FOXP1: variants seen among roughly 807,000 people sequenced by gnomAD.
FOXP1 encodes forkhead box P1, also known as forkhead box protein P1.
In FOXP1, 15 loss-of-function variants were observed where a neutral mutation model predicts 98.2. The ratio of observed to expected loss-of-function variants is 0.15; its 90% CI spans 0.10 to 0.24. The LOEUF (loss-of-function observed/expected upper bound fraction) is 0.24. Among genes scored for constraint, FOXP1 ranks in the 10% least tolerant of loss-of-function variants. FOXP1 has a pLI of 1.00. For synonymous variants in FOXP1, 371 were observed against 314.5 expected, an observed-to-expected ratio of 1.18 and a Z score of -1.90; for missense variants, 633 against 848.5, an observed-to-expected ratio of 0.75 and a Z score of 3.15.
At chr3:71,398,597 C>T (rs549534500) in intron 3 of FOXP1, among the ~76,000 whole-genome samples, 38 of 152,284 alleles carry the variant, frequency 2.5e-4, no homozygotes, top group Non-Finnish European at 4.0e-4. Flanking sequence ...CCAAGAACCA[C>T]GGGCTGGGGG....
chr3:71,210,959 T>C (rs891602946), intron 5 of FOXP1: 4 of 152,182 alleles, frequency 2.6e-5, no homozygotes, highest in African/African-American at 9.6e-5. Context: ...TAAACATAGT[T>C]GACAATTCTA....
intron 7 of FOXP1, among the ~76,000 whole-genome samples, chr3:71,111,776 T>G (rs550688235): frequency 2.0e-5 from 3 of 152,192 alleles, no homozygotes; most frequent in Non-Finnish European, 4.4e-5. Flanking sequence ...AAATCAGAAG[T>G]TGCTAGAACA....
chr3:71,015,428 G>T, intron 12 of FOXP1, 121 bp downstream of exon 12: 1 of 673,900 alleles, frequency 1.5e-6, no homozygotes, highest in Non-Finnish European at 2.8e-6. Context: ...TTGTGATTTA[G>T]AGTCCACTCT....
intron 7 of FOXP1, among the ~76,000 whole-genome samples, chr3:71,057,314 TTTTTTTTTTTTTTC>T: frequency 7.5e-6 from 1 of 132,452 alleles, no homozygotes; most frequent in Non-Finnish European, 1.6e-5. Context: ...TTTTTTTTTT[TTTTTTTTTTTTTTC>T]AGATTTCATG....
chr3:71,494,122 A>C (rs1339430399), intron 2 of FOXP1, among the ~76,000 whole-genome samples: 1 of 152,160 alleles, frequency 6.6e-6, no homozygotes, highest in Non-Finnish European at 1.5e-5. Context: ...CCATCAAGAA[A>C]GCACATACGG....
intron 14 of FOXP1, among the ~76,000 whole-genome samples, chr3:70,986,131 A>G (rs2039691140): frequency 6.6e-6 from 1 of 152,146 alleles, no homozygotes; most frequent in African/African-American, 2.4e-5. Flanking sequence ...TTTTAATACT[A>G]ATCAAGACAA....
intron 17 of FOXP1, among the ~76,000 whole-genome samples, chr3:70,973,810 C>CT (rs1248632520): frequency 6.8e-6 from 1 of 147,240 alleles, no homozygotes; most frequent in Middle Eastern, 3.2e-3. Context: ...AGCAACACTG[C>CT]TATTGCACAA....
intron 4 of FOXP1, among the ~76,000 whole-genome samples, chr3:71,330,348 T>G (rs1486354874): frequency 6.6e-6 from 1 of 152,242 alleles, no homozygotes; most frequent in Admixed American, 6.5e-5. Flanking sequence ...TATAAAATAT[T>G]GTAAGTCACT....
intron 6 of FOXP1, among the ~76,000 whole-genome samples, chr3:71,119,845 G>C (rs1437266879): frequency 2.0e-5 from 3 of 152,196 alleles, no homozygotes; most frequent in African/African-American, 7.2e-5. Flanking sequence ...AGAACTGGAA[G>C]TATTCATACA....
intron 7 of FOXP1, among the ~76,000 whole-genome samples, chr3:71,096,471 C>G (rs974638532): frequency 4.6e-5 from 7 of 152,110 alleles, no homozygotes; most frequent in African/African-American, 1.7e-4. Flanking sequence ...AAACCACTGA[C>G]TAGTCATTTA....
chr3:71,127,865 T>C (rs1351316594), intron 6 of FOXP1, among the ~76,000 whole-genome samples: 1 of 152,208 alleles, frequency 6.6e-6, no homozygotes, highest in East Asian at 1.9e-4. Context: ...CAAAGTATGA[T>C]TATCCAACCC....
chr3:71,188,393 C>T (rs559672099), intron 6 of FOXP1, among the ~76,000 whole-genome samples: 1 of 151,568 alleles, frequency 6.6e-6, no homozygotes, highest in South Asian at 2.1e-4. Flanking sequence ...GATGCTTTGC[C>T]TCTTTTTTTC....
chr3:71,154,674 A>G (rs531583181), intron 6 of FOXP1, among the ~76,000 whole-genome samples: 7 of 152,172 alleles, frequency 4.6e-5, no homozygotes, highest in Non-Finnish European at 1.0e-4. Context: ...CAAGTCACCT[A>G]ACCTTGCGGT....
chr3:71,438,690 C>T (rs923299301), intron 3 of FOXP1, among the ~76,000 whole-genome samples: 1 of 150,738 alleles, frequency 6.6e-6, no homozygotes, highest in African/African-American at 2.4e-5. Context: ...TTGGTAGGCC[C>T]ATTCTGCAAA....
At chr3:71,285,050 T>G (rs1426950944) in intron 5 of FOXP1, among the ~76,000 whole-genome samples, 1 of 152,198 alleles carries the variant, frequency 6.6e-6, no homozygotes, top group Non-Finnish European at 1.5e-5. Flanking sequence ...GTTAATGAAA[T>G]TATATGACCC....
chr3:71,498,597 G>C (rs969538894), intron 2 of FOXP1, among the ~76,000 whole-genome samples: 1 of 152,148 alleles, frequency 6.6e-6, no homozygotes, highest in Non-Finnish European at 1.5e-5. Context: ...TAAAAAAAGA[G>C]GATTGAGGAA....
chr3:71,139,317 T>C (rs982059525), intron 6 of FOXP1, among the ~76,000 whole-genome samples: 1 of 152,066 alleles, frequency 6.6e-6, no homozygotes, highest in Admixed American at 6.5e-5. Flanking sequence ...CTTCTCTAAA[T>C]CAAACTCAGT....
chr3:71,404,275 G>A (rs1235840227), intron 3 of FOXP1, among the ~76,000 whole-genome samples: 2 of 151,400 alleles, frequency 1.3e-5, no homozygotes, highest in Admixed American at 6.6e-5. Context: ...TTATAGACAT[G>A]CACCACCATG....
intron 5 of FOXP1, among the ~76,000 whole-genome samples, chr3:71,231,815 G>T (rs1352282210): frequency 6.6e-6 from 1 of 152,218 alleles, no homozygotes; most frequent in Non-Finnish European, 1.5e-5. Flanking sequence ...AAGAATGTAG[G>T]GTGTCAGGAC....
Sources: allele counts gnomAD v4.1 joint callset (sites outside exome capture counted in the v4.1 genomes callset), GRCh38; gene constraint gnomAD v4.1.1; transcripts MANE v1.5; gene names NCBI Gene and HGNC (gene_info 2026-07-23, HGNC 2026-07-21).